Variants in MAMDC2 observed in about 807,000 individuals in gnomAD.
MAMDC2 encodes the protein MAM domain-containing protein 2.
Under a neutral mutation model 89.8 loss-of-function variants are expected in MAMDC2, and 57 were observed. The ratio of observed to expected loss-of-function variants is 0.63; its 90% CI spans 0.51 to 0.79. The LOEUF (loss-of-function observed/expected upper bound fraction) is 0.79. Among genes scored for constraint, MAMDC2 ranks in the 30% least tolerant of loss-of-function variants. The probability of loss-of-function intolerance (pLI) is 0.00; values close to 1 mark genes in which losing one functional copy is unlikely to be tolerated. For synonymous variants in MAMDC2, 313 were observed against 293.4 expected, an observed-to-expected ratio of 1.07 and a Z score of -0.68; for missense variants, 800 against 820.6, an observed-to-expected ratio of 0.97 and a Z score of 0.31.
intron 5 of MAMDC2, among the ~76,000 whole-genome samples, chr9:70,117,836 G>A (rs999930959): frequency 2.6e-5 from 4 of 152,124 alleles, no homozygotes; most frequent in African/African-American, 9.7e-5. Flanking sequence ...ATATAGTTCT[G>A]TGCTCATGTA....
Position 70,043,996 on chromosome 9 carries a change from C to A in MAMDC2, c.-202C>A. On this transcript the variant is annotated 5_prime_UTR_variant, in exon 1 of 14. Transcript: ENST00000377182. ...CGCCGGGGCGCTGGCGCTCTCCATT[C>A]GAGCACCTTCCAGCATACCGCTCGG... 4.8e-6 allele frequency: 3 copies of A among 626,472 alleles called. No homozygotes were observed. Among genetic ancestry groups the A allele is most frequent in the South Asian group, 3.9e-5 (2 of 51,430 alleles). 38.8% of individuals were successfully genotyped at this position (626,472 alleles called of 1,614,324 possible).
At chr9:70,202,145 T>C (rs1348404425) in intron 11 of MAMDC2, among the ~76,000 whole-genome samples, 2 of 151,984 alleles carry the variant, frequency 1.3e-5, no homozygotes, top group Non-Finnish European at 2.9e-5. Context: ...ATTGTGATGT[T>C]AGAGTGTCAA....
At chr9:70,052,362 C>A (rs1028635117) in intron 2 of MAMDC2, among the ~76,000 whole-genome samples, 2 of 152,164 alleles carry the variant, frequency 1.3e-5, no homozygotes, top group Admixed American at 1.3e-4. Flanking sequence ...TTCAACATGC[C>A]CTTTACTTAC....
intron 2 of MAMDC2, chr9:70,087,554 C>A (rs1827798548): frequency 6.6e-6 from 1 of 152,074 alleles, no homozygotes; most frequent in South Asian, 2.1e-4. Context: ...CTGGCTCATG[C>A]ATGTATCCCT....
chr9:70,081,769 G>C (rs1233884937), intron 2 of MAMDC2: 1 of 151,990 alleles, frequency 6.6e-6, no homozygotes, highest in Non-Finnish European at 1.5e-5. Context: ...GATAGATTCA[G>C]CAAATTGAAG....
chr9:70,136,509 G>A (rs1207597578), intron 7 of MAMDC2, among the ~76,000 whole-genome samples: 1 of 152,098 alleles, frequency 6.6e-6, no homozygotes, highest in Non-Finnish European at 1.5e-5. Flanking sequence ...AAACTTTCAC[G>A]TTTTTATGCC....
At chr9:70,149,749 G>A (rs889828529) in intron 9 of MAMDC2, among the ~76,000 whole-genome samples, 6 of 152,146 alleles carry the variant, frequency 3.9e-5, no homozygotes, top group Non-Finnish European at 8.8e-5. Flanking sequence ...GTGCACCAGG[G>A]TATTGTAACA....
intron 2 of MAMDC2, chr9:70,081,950 TG>T (rs1325683438): frequency 6.6e-6 from 1 of 152,150 alleles, no homozygotes; most frequent in Non-Finnish European, 1.5e-5. Flanking sequence ...CGTCACCTAC[TG>T]TGCCTATGCC....
chr9:70,107,582 G>C (rs1828375749), intron 2 of MAMDC2, among the ~76,000 whole-genome samples: 1 of 152,164 alleles, frequency 6.6e-6, no homozygotes, highest in Non-Finnish European at 1.5e-5. Context: ...TTTGGTCATG[G>C]AAGAGTCAAG....
At chr9:70,135,452 C>G (rs2030967314) in intron 7 of MAMDC2, among the ~76,000 whole-genome samples, 1 of 151,820 alleles carries the variant, frequency 6.6e-6, no homozygotes, top group Non-Finnish European at 1.5e-5. Context: ...AAAGATTTAG[C>G]CCCTGAGTTA....
At chr9:70,050,359 C>T (rs573591895) in intron 2 of MAMDC2, among the ~76,000 whole-genome samples, 1 of 152,266 alleles carries the variant, frequency 6.6e-6, no homozygotes, top group African/African-American at 2.4e-5. Flanking sequence ...TTCATTCTGC[C>T]CCTTCAAAGG....
intron 2 of MAMDC2, among the ~76,000 whole-genome samples, chr9:70,106,895 G>A (rs539342360): frequency 2.0e-5 from 3 of 152,260 alleles, no homozygotes; most frequent in African/African-American, 4.8e-5. Flanking sequence ...TTAGCCTGTC[G>A]GTACTCGCCA....
intron 2 of MAMDC2, chr9:70,106,091 G>C (rs538406723): frequency 6.6e-6 from 1 of 152,164 alleles, no homozygotes; most frequent in African/African-American, 2.4e-5. Flanking sequence ...CATCACCCCA[G>C]CTCTACTGGA....
intron 8 of MAMDC2, among the ~76,000 whole-genome samples, chr9:70,142,851 AT>A (rs1284463070): frequency 6.6e-6 from 1 of 152,058 alleles, no homozygotes; most frequent in Non-Finnish European, 1.5e-5. Flanking sequence ...AGGTGTTATT[AT>A]TTTTTTCTTT....
At chr9:70,079,436 C>CTCT in intron 2 of MAMDC2, 1 of 152,092 alleles carries the variant, frequency 6.6e-6, no homozygotes, top group Non-Finnish European at 1.5e-5. Flanking sequence ...ACTGAGTGAG[C>CTCT]CACCCAGCAG....
chr9:70,076,107 G>C (rs909565518), intron 2 of MAMDC2, among the ~76,000 whole-genome samples: 12 of 152,272 alleles, frequency 7.9e-5, no homozygotes, highest in Admixed American at 6.5e-4. Context: ...GCTGTTGAAG[G>C]CTCCCTGATA....
intron 2 of MAMDC2, among the ~76,000 whole-genome samples, chr9:70,057,528 A>G (rs764325288): frequency 7.9e-5 from 12 of 152,100 alleles, no homozygotes; most frequent in Non-Finnish European, 1.5e-4. Flanking sequence ...TTTTTAATTA[A>G]CCCCTTTAAT....
chr9:70,053,477 T>C (rs1366988058), intron 2 of MAMDC2, among the ~76,000 whole-genome samples: 2 of 152,144 alleles, frequency 1.3e-5, no homozygotes, highest in Non-Finnish European at 2.9e-5. Context: ...CTCCATAGGG[T>C]TCACAGTCAT....
chr9:70,213,665 T>G (rs2182735), intron 11 of MAMDC2, among the ~76,000 whole-genome samples: 130,365 of 152,166 alleles, frequency 0.86, 56,086 homozygotes, highest in East Asian at 0.96. Context: ...AAAGAAAAAG[T>G]TTCCTTTCAT....
Sources: allele counts gnomAD v4.1 joint callset (sites outside exome capture counted in the v4.1 genomes callset), GRCh38; gene constraint gnomAD v4.1.1; transcripts MANE v1.5; gene names NCBI Gene and HGNC (gene_info 2026-07-23, HGNC 2026-07-21).